The following ZFR variants were observed in gnomAD, a reference collection of about 807,000 sequenced individuals.
The protein encoded by ZFR is zinc finger RNA binding protein.
Under a neutral mutation model 130.7 loss-of-function variants are expected in ZFR, and 19 were observed. That is an observed-to-expected ratio of 0.15 (90% CI 0.10 to 0.21). ZFR has a LOEUF of 0.21. Ranked by LOEUF, ZFR falls within the 10% of genes least tolerant of loss-of-function variation. ZFR has a pLI of 1.00. For missense variants in ZFR, 872 were observed against 1,321.5 expected (o/e 0.66, Z 5.27); for synonymous variants, 466 against 456.9 (o/e 1.02, Z -0.25).
At chr5:32,400,768 T>C (rs1434469120) in intron 8 of ZFR, among the ~76,000 whole-genome samples, 4 of 152,180 alleles carry the variant, frequency 2.6e-5, no homozygotes, top group East Asian at 1.9e-4. Flanking sequence ...GTGGAAGGAC[T>C]GCTTGAGCCT....
intron 5 of ZFR, among the ~76,000 whole-genome samples, chr5:32,414,041 A>C (rs1324284908): frequency 6.6e-6 from 1 of 152,056 alleles, no homozygotes; most frequent in Non-Finnish European, 1.5e-5. Context: ...TCCATTTCTT[A>C]ATATAGCCTC....
chr5:32,428,274 C>T (rs780331786), intron 2 of ZFR, among the ~76,000 whole-genome samples: 36 of 152,104 alleles, frequency 2.4e-4, no homozygotes, highest in Non-Finnish European at 4.1e-4. Context: ...ATTAGCCAGG[C>T]GTGGTGGCAC....
intron 2 of ZFR, among the ~76,000 whole-genome samples, chr5:32,428,180 G>A (rs964342478): frequency 2.0e-5 from 3 of 152,136 alleles, no homozygotes; most frequent in East Asian, 1.9e-4. Flanking sequence ...GTGGGAGGCC[G>A]AGGTGGGCAG....
intron 8 of ZFR, among the ~76,000 whole-genome samples, chr5:32,402,389 G>A (rs560735781): frequency 6.6e-6 from 1 of 152,254 alleles, no homozygotes; most frequent in East Asian, 1.9e-4. Context: ...TAGGTCTTTG[G>A]TGACTACTGA....
Position 32,441,912 on chromosome 5 carries a change from C to A in ZFR, c.137+2317G>T, listed in dbSNP as rs546987730. Among the ~76,000 whole-genome samples the A allele has an allele frequency of 3.3e-5, 5 of 151,452 alleles. No individual in the cohort carries two copies. In the East Asian group the frequency reaches 7.8e-4, roughly 23 times the overall value. ...GATGTACACTTAATCAATTTAGTAACCTGGATTGTTGTTACAGTTTAAACT... is the reference window on the plus strand; with the variant it reads ...GATGTACACTTAATCAATTTAGTAAACTGGATTGTTGTTACAGTTTAAACT... On this transcript the variant is annotated intron_variant, in intron 2 of 19. Coordinates refer to ENST00000265069, the MANE Select transcript of ZFR (RefSeq NM_016107.5).
chr5:32,438,779 C>T (rs1754397714), intron 2 of ZFR, among the ~76,000 whole-genome samples: 1 of 152,102 alleles, frequency 6.6e-6, no homozygotes. Context: ...CCTTCTAAAA[C>T]CCTTATAATA....
chr5:32,414,666 A>G (rs2111807142), intron 5 of ZFR, among the ~76,000 whole-genome samples: 1 of 152,328 alleles, frequency 6.6e-6, no homozygotes. Flanking sequence ...AAAAGCAGGA[A>G]AGTAAACAAT....
intron 5 of ZFR, 82 bp downstream of exon 5, chr5:32,414,887 A>G: frequency 8.1e-7 from 1 of 1,232,792 alleles, no homozygotes; most frequent in Non-Finnish European, 1.1e-6. Context: ...GGAGTAAGGT[A>G]ATTTCAAAGA....
rs768681140 is a variant in ZFR, at chr5:32,394,396, G to A, written c.1979+763C>T. On this transcript the variant is annotated intron_variant, in intron 11 of 19. Coordinates refer to ENST00000265069, the MANE Select transcript of ZFR (RefSeq NM_016107.5). ...GTAGTAAGTTGATGCAAAAATAATCGCGGTTTATACCAAATGAATTTATTA... is the reference window on the plus strand; with the variant it reads ...GTAGTAAGTTGATGCAAAAATAATCACGGTTTATACCAAATGAATTTATTA... The A allele has an allele frequency of 1.2e-4, 21 of 169,226 alleles. No homozygotes were observed. In the Middle Eastern group the frequency reaches 7.5e-3, roughly 61 times the overall value. 10.5% of individuals were successfully genotyped at this position (169,226 alleles called of 1,614,324 possible).
chr5:32,443,065 A>G (rs1208279998), intron 2 of ZFR, among the ~76,000 whole-genome samples: 1 of 152,118 alleles, frequency 6.6e-6, no homozygotes, highest in Non-Finnish European at 1.5e-5. Context: ...AAAAAAATCA[A>G]GAGCAAAAGA....
intron 15 of ZFR, among the ~76,000 whole-genome samples, chr5:32,384,751 A>G (rs887633808): frequency 3.3e-5 from 5 of 152,202 alleles, no homozygotes; most frequent in African/African-American, 1.2e-4. Flanking sequence ...AAGCTTTTGA[A>G]GCTTTGAAAA....
chr5:32,439,713 G>A (rs1754417691), intron 2 of ZFR, among the ~76,000 whole-genome samples: 1 of 150,886 alleles, frequency 6.6e-6, no homozygotes, highest in Non-Finnish European at 1.5e-5. Context: ...GCCCATTGCA[G>A]GAGGATCACT....
Position 32,444,670 on chromosome 5 carries a change from G to A in ZFR, c.-12C>T. Reference sequence around the variant, plus strand: ...CATATGGGAATCATGGGCTCGGGCTGCTGCTGCTGAACTCTGAACTCTCAC... The same window carrying A: ...CATATGGGAATCATGGGCTCGGGCTACTGCTGCTGAACTCTGAACTCTCAC... On this transcript the variant is annotated 5_prime_UTR_variant, in exon 1 of 20. Coordinates refer to ENST00000265069, the MANE Select transcript of ZFR (RefSeq NM_016107.5). 6.6e-7 allele frequency: 1 copy of A among 1,510,522 alleles called. No homozygotes were observed. Among genetic ancestry groups the A allele is most frequent in the Admixed American group, 2.2e-5 (1 of 44,602 alleles). 93.6% of individuals were successfully genotyped at this position (1,510,522 alleles called of 1,614,324 possible).
intron 5 of ZFR, among the ~76,000 whole-genome samples, chr5:32,412,433 A>G (rs199904024): frequency 6.6e-6 from 1 of 152,350 alleles, no homozygotes; most frequent in East Asian, 1.9e-4. Flanking sequence ...ACTGTTCTAC[A>G]TTAAAGCAAA....
chr5:32,412,426 G>A (rs1753733611), intron 5 of ZFR, among the ~76,000 whole-genome samples: 1 of 152,158 alleles, frequency 6.6e-6, no homozygotes, highest in Non-Finnish European at 1.5e-5. Context: ...ATAAGGAACT[G>A]TTCTACATTA....
intron 9 of ZFR, among the ~76,000 whole-genome samples, chr5:32,398,217 T>TG (rs1309835053): frequency 2.0e-5 from 3 of 152,228 alleles, no homozygotes; most frequent in African/African-American, 7.2e-5. Flanking sequence ...TGTAGCTAGA[T>TG]GTCTTAAATT....
At chr5:32,380,469 C>G (rs2111709536) in intron 15 of ZFR, 1 of 226,234 alleles carries the variant, frequency 4.4e-6, no homozygotes, top group East Asian at 8.2e-5. Context: ...GACAACAAGA[C>G]AAGAGGGAAC....
chr5:32,383,021 T>C (rs1396667452), intron 15 of ZFR, among the ~76,000 whole-genome samples: 5 of 152,198 alleles, frequency 3.3e-5, no homozygotes, highest in Admixed American at 6.5e-5. Context: ...AATCACCAAT[T>C]AGAAGACATG....
intron 15 of ZFR, among the ~76,000 whole-genome samples, chr5:32,384,588 T>C (rs1461619702): frequency 6.6e-6 from 1 of 152,174 alleles, no homozygotes; most frequent in Non-Finnish European, 1.5e-5. Flanking sequence ...CTCTTCCTCC[T>C]CAACCTGTAT....
Sources: allele counts gnomAD v4.1 joint callset (sites outside exome capture counted in the v4.1 genomes callset), GRCh38; gene constraint gnomAD v4.1.1; transcripts MANE v1.5; gene names NCBI Gene and HGNC (gene_info 2026-07-23, HGNC 2026-07-21).